The following ZBTB8OS variants were observed in gnomAD, a reference collection of about 807,000 sequenced individuals.
ZBTB8OS encodes tRNA splicing ligase complex subunit 1.
Under a neutral mutation model 29.3 loss-of-function variants are expected in ZBTB8OS, and 16 were observed. That is an observed-to-expected ratio of 0.55 (90% CI 0.37 to 0.83). ZBTB8OS has a LOEUF of 0.83. ZBTB8OS is among the 40% of genes least tolerant of loss of function. The probability of loss-of-function intolerance (pLI) is 0.00; values close to 1 mark genes in which losing one functional copy is unlikely to be tolerated. For synonymous variants in ZBTB8OS, 70 were observed against 64.6 expected (o/e 1.08, Z -0.40); for missense variants, 160 against 196.9 (o/e 0.81, Z 1.12).
intron 1 of ZBTB8OS, among the ~76,000 whole-genome samples, chr1:32,649,121 T>C (rs1411546788): frequency 1.4e-4 from 20 of 148,144 alleles, no homozygotes; most frequent in Admixed American, 1.2e-3. Context: ...GCGCCCACCA[T>C]CATGCGCAGC....
chr1:32,631,387 C>T (rs1645548248), intron 5 of ZBTB8OS, among the ~76,000 whole-genome samples: 1 of 150,696 alleles, frequency 6.6e-6, no homozygotes, highest in African/African-American at 2.4e-5. Context: ...AAGAAAAAAC[C>T]TAAAAAATAT....
At chr1:32,639,775 G>A (rs1486860999) in intron 1 of ZBTB8OS, among the ~76,000 whole-genome samples, 1 of 151,652 alleles carries the variant, frequency 6.6e-6, no homozygotes, top group East Asian at 1.9e-4. Context: ...AAAAATAAAA[G>A]TTATTAATTA....
intron 1 of ZBTB8OS, among the ~76,000 whole-genome samples, chr1:32,643,985 G>T (rs1017963444): frequency 4.6e-5 from 7 of 151,944 alleles, no homozygotes; most frequent in Admixed American, 2.6e-4. Context: ...GCGACCTAGA[G>T]ACGGCTAATG....
chr1:32,642,009 T>A (rs1646450683), intron 1 of ZBTB8OS, among the ~76,000 whole-genome samples: 1 of 152,208 alleles, frequency 6.6e-6, no homozygotes, highest in South Asian at 2.1e-4. Flanking sequence ...ACTCTGATTT[T>A]TTTTTATCTT....
chr1:32,634,830 A>G (rs753395157), intron 1 of ZBTB8OS, 38 bp from the exon 2 acceptor site: 2 of 1,337,800 alleles, frequency 1.5e-6, no homozygotes, highest in South Asian at 2.3e-5. Context: ...AAGACACTAA[A>G]CTTGACTCTC....
At chr1:32,650,394 G>A in intron 1 of ZBTB8OS, 39 bp downstream of exon 1, 2 of 1,612,954 alleles carry the variant, frequency 1.2e-6, no homozygotes, top group South Asian at 1.1e-5. Context: ...GGATGCCTGT[G>A]TGCTTACATG....
chr1:32,637,227 T>A (rs1409368102), intron 1 of ZBTB8OS, among the ~76,000 whole-genome samples: 2 of 152,030 alleles, frequency 1.3e-5, no homozygotes, highest in Non-Finnish European at 2.9e-5. Flanking sequence ...CTGAGTAACG[T>A]CGAGTTGTAT....
chr1:32,639,370 A>G (rs1377296653), intron 1 of ZBTB8OS, among the ~76,000 whole-genome samples: 1 of 151,934 alleles, frequency 6.6e-6, no homozygotes, highest in Non-Finnish European at 1.5e-5. Flanking sequence ...GGCTAGTCAC[A>G]GGCACGACCA....
intron 4 of ZBTB8OS, among the ~76,000 whole-genome samples, chr1:32,632,947 T>C (rs1279270561): frequency 6.6e-6 from 1 of 152,142 alleles, no homozygotes; most frequent in Admixed American, 6.6e-5. Flanking sequence ...ACTCAGTTGA[T>C]AGAATGAGTA....
At chr1:32,647,041 CAAAAAAAAAAAAAAAAAAAA>C (rs71006347) in intron 1 of ZBTB8OS, among the ~76,000 whole-genome samples, 3 of 39,386 alleles carry the variant, frequency 7.6e-5, no homozygotes, top group Admixed American at 8.4e-4. Context: ...GATACTGTCT[CAAAAAAAAAAAAAAAAAAAA>C]AAAAAAAAAA....
chr1:32,649,906 C>T (rs1030631179), intron 1 of ZBTB8OS, among the ~76,000 whole-genome samples: 15 of 152,172 alleles, frequency 9.9e-5, no homozygotes, highest in East Asian at 3.9e-4. Flanking sequence ...TCAGGTGATC[C>T]GCCCGCCTCG....
At chr1:32,633,813 G>T in intron 3 of ZBTB8OS, 86 bp from the exon 4 acceptor site, 1 of 1,462,314 alleles carries the variant, frequency 6.8e-7, no homozygotes, top group Non-Finnish European at 9.3e-7. Context: ...AATGTCTTAG[G>T]TCAGTTTAAA....
chr1:32,644,534 CTTTTT>C (rs57960226), intron 1 of ZBTB8OS, among the ~76,000 whole-genome samples: 4 of 127,052 alleles, frequency 3.1e-5, no homozygotes, highest in Non-Finnish European at 4.9e-5. Context: ...TTTCTTTTTC[CTTTTT>C]TTTTTTTTTT....
At chr1:32,628,573 T>C (rs922284412) in intron 5 of ZBTB8OS, among the ~76,000 whole-genome samples, 13 of 151,592 alleles carry the variant, frequency 8.6e-5, no homozygotes, top group Admixed American at 5.9e-4. Context: ...GAGGCGGAGA[T>C]TGCAGTGAGC....
rs919505462 is a variant in ZBTB8OS at position 32,620,994 on chromosome 1, G to C, written c.*868C>G. The C allele has an allele frequency of 2.6e-5, 4 of 152,140 alleles. No individual in the cohort carries two copies. Among genetic ancestry groups the C allele is most frequent in the African/African-American group, 9.7e-5 (4 of 41,440 alleles). 9.4% of individuals were successfully genotyped at this position (152,140 alleles called of 1,614,324 possible). A position where few individuals can be genotyped will look rare whatever the true frequency, so the allele number is the denominator to read the frequency against. On this transcript the variant is annotated 3_prime_UTR_variant, in exon 7 of 7. Coordinates refer to ENST00000468695, the MANE Select transcript of ZBTB8OS (RefSeq NM_178547.5). ...AACTGAAAGCGTGAGAGAAAAATCA[G>C]GGCTCTATCTAGAGAAGTCTAATTG...
intron 1 of ZBTB8OS, among the ~76,000 whole-genome samples, chr1:32,643,605 C>T (rs1646605952): frequency 6.6e-6 from 1 of 151,830 alleles, no homozygotes. Flanking sequence ...AAGCTATTCT[C>T]CTGCCTCAGC....
chr1:32,627,565 C>T, intron 5 of ZBTB8OS, 21 bp from the exon 6 acceptor site: 1 of 1,609,214 alleles, frequency 6.2e-7, no homozygotes, highest in Non-Finnish European at 8.5e-7. Flanking sequence ...CAAATTAAAA[C>T]ATGATTAAGA....
intron 1 of ZBTB8OS, among the ~76,000 whole-genome samples, chr1:32,635,331 G>GC (rs1477351402): frequency 1.3e-5 from 2 of 150,880 alleles, no homozygotes; most frequent in Non-Finnish European, 2.9e-5. Flanking sequence ...GAGTACAGTG[G>GC]CGCGATCTTG....
rs1164576651 is a variant in ZBTB8OS at position 32,627,609 on chromosome 1, T to C, written c.381-65A>G. 3.3e-6 allele frequency: 5 copies of C among 1,510,498 alleles called. 1 individual carries two copies. The highest frequency in any genetic ancestry group is 4.6e-6 in the Non-Finnish European group (5 of 1,093,864). 93.6% of individuals were successfully genotyped at this position (1,510,498 alleles called of 1,614,324 possible). ...CTCTTTATATGTTTTAAAATAAGCC[T>C]TGTAAATGTGGTTAACATGCTAGAA... On this transcript the variant is annotated intron_variant, in intron 5 of 6. Coordinates refer to ENST00000468695, the MANE Select transcript of ZBTB8OS (RefSeq NM_178547.5).
Sources: gnomAD v4.1 joint callset for allele counts (sites outside exome capture counted in the v4.1 genomes callset) on GRCh38, gnomAD v4.1.1 for gene constraint, MANE v1.5 for transcripts, NCBI Gene and HGNC (gene_info 2026-07-23, HGNC 2026-07-21) for gene names.